Variants in CHCT1 observed in about 807,000 individuals in gnomAD.
CHCT1 encodes CHD1 helical C-terminal domain containing protein 1.
the CHCT1 span, chr17:60,421,886 A>G: frequency 1.2e-5 from 12 of 985,300 alleles, no homozygotes; most frequent in Middle Eastern, 5.2e-4. Context: ...CCCGCGTCTC[A>G]GCGCCTCCTG....
chr17:60,421,767 T>C, the CHCT1 span: 25 of 894,230 alleles, frequency 2.8e-5, no homozygotes, highest in African/African-American at 3.2e-4. Context: ...GCCCTCGGCC[T>C]CGGGTCCCTG....
At chr17:60,426,190 G>T in the CHCT1 span, 13 of 1,551,804 alleles carry the variant, frequency 8.4e-6, no homozygotes, top group Non-Finnish European at 1.1e-5. Flanking sequence ...CGCTGAAGAA[G>T]TTCCTGCGAA....
At chr17:60,430,107 G>A in the CHCT1 span, among the ~76,000 whole-genome samples, 1 of 142,296 alleles carries the variant, frequency 7.0e-6, no homozygotes. Context: ...TTACAGGTGT[G>A]AGCCACGCAC....
the CHCT1 span, among the ~76,000 whole-genome samples, chr17:60,429,856 G>T: frequency 2.9e-4 from 44 of 151,492 alleles, no homozygotes; most frequent in African/African-American, 1.0e-3. Flanking sequence ...ACGGAGTCTC[G>T]CTCTGTCACC....
At chr17:60,429,592 C>T in the CHCT1 span, 2 of 1,592,754 alleles carry the variant, frequency 1.3e-6, no homozygotes, top group African/African-American at 2.7e-5. Context: ...GATGCCTGGA[C>T]CCAGGAGTTT....
chr17:60,429,248 C>A, the CHCT1 span: 1 of 1,186,352 alleles, frequency 8.4e-7, no homozygotes, highest in Non-Finnish European at 1.2e-6. Flanking sequence ...TTTGGTTAGG[C>A]AAGTGTGACC....
chr17:60,424,579 C>T, the CHCT1 span, among the ~76,000 whole-genome samples: 2 of 152,188 alleles, frequency 1.3e-5, no homozygotes, highest in Non-Finnish European at 2.9e-5. Flanking sequence ...TTCTTTGGTG[C>T]CTGTTTCCTT....
chr17:60,422,594 T>G, the CHCT1 span: 11 of 1,549,262 alleles, frequency 7.1e-6, no homozygotes, highest in Non-Finnish European at 9.6e-6. Context: ...CCTGCTGAGA[T>G]GGAGGCCTCA....
chr17:60,429,316 T>C, the CHCT1 span: 1 of 1,574,400 alleles, frequency 6.4e-7, no homozygotes, highest in Non-Finnish European at 8.7e-7. Context: ...AAAGTTCAGG[T>C]CCCCCTCTTC....
the CHCT1 span, chr17:60,421,438 G>C: frequency 4.1e-6 from 4 of 985,644 alleles, no homozygotes; most frequent in Non-Finnish European, 4.8e-6. Context: ...GGCCCGGGCC[G>C]ACGGCGGTCC....
chr17:60,426,635 G>C, the CHCT1 span: 1 of 1,531,070 alleles, frequency 6.5e-7, no homozygotes, highest in Non-Finnish European at 8.8e-7. Flanking sequence ...TATTCCCCTG[G>C]GTGGGTCCTG....
chr17:60,421,959 G>GT, the CHCT1 span: 1 of 985,110 alleles, frequency 1.0e-6, no homozygotes, highest in Non-Finnish European at 1.2e-6. Flanking sequence ...TACAGAGCCC[G>GT]TAGGCACTGG....
the CHCT1 span, chr17:60,426,998 G>A: frequency 4.0e-6 from 3 of 746,812 alleles, no homozygotes; most frequent in African/African-American, 3.8e-5. Context: ...GGCTGAAGAG[G>A]CCGAGGCTCA....
chr17:60,426,298 G>T, the CHCT1 span: 1 of 1,551,776 alleles, frequency 6.4e-7, no homozygotes. Context: ...CCTTTCTGCA[G>T]CATTACTGCC....
chr17:60,426,808 C>T, the CHCT1 span: 2 of 1,604,130 alleles, frequency 1.2e-6, no homozygotes, highest in East Asian at 4.5e-5. Context: ...GCCAGCCGGC[C>T]AAGTTCCTGG....
the CHCT1 span, among the ~76,000 whole-genome samples, chr17:60,428,061 T>G: frequency 6.6e-6 from 1 of 152,132 alleles, no homozygotes; most frequent in East Asian, 1.9e-4. Flanking sequence ...CAGAGCACAC[T>G]TTGAGAACCA....
At chr17:60,425,149 C>T in the CHCT1 span, among the ~76,000 whole-genome samples, 1 of 152,124 alleles carries the variant, frequency 6.6e-6, no homozygotes, top group African/African-American at 2.4e-5. Flanking sequence ...CTTAAAAACC[C>T]CAGTCCAGAA....
the CHCT1 span, among the ~76,000 whole-genome samples, chr17:60,424,612 C>A: frequency 2.6e-5 from 4 of 152,216 alleles, no homozygotes; most frequent in African/African-American, 9.6e-5. Flanking sequence ...ACCCTGGGTG[C>A]GGTGGCTCAT....
chr17:60,426,027 C>T, the CHCT1 span: 29 of 1,268,936 alleles, frequency 2.3e-5, no homozygotes, highest in African/African-American at 2.1e-4. Context: ...AGAGGTGCAC[C>T]AGAGCCACCT....
Sources: gnomAD v4.1 joint callset for allele counts (sites outside exome capture counted in the v4.1 genomes callset) on GRCh38, gnomAD v4.1.1 for gene constraint, MANE v1.5 for transcripts, NCBI Gene and HGNC (gene_info 2026-07-23, HGNC 2026-07-21) for gene names.